The following PCDHGA8 variants were observed in gnomAD, a reference collection of about 807,000 sequenced individuals.
PCDHGA8 encodes protocadherin gamma subfamily A, 8.
A neutral mutation model predicts 59.2 loss-of-function variants in PCDHGA8; 45 were observed. The ratio of observed to expected loss-of-function variants is 0.76; its 90% CI spans 0.60 to 0.98. PCDHGA8 has a LOEUF of 0.98. Among genes scored for constraint, PCDHGA8 ranks in the 50% least tolerant of loss-of-function variants. The pLI, the probability that PCDHGA8 is intolerant of heterozygous loss-of-function variation, is 0.00. For synonymous variants in PCDHGA8, 531 were observed against 519.0 expected, an observed-to-expected ratio of 1.02 and a Z score of -0.32; for missense variants, 1,257 against 1,196.2, an observed-to-expected ratio of 1.05 and a Z score of -0.75.
chr5:141,417,874 C>A (rs768197455), intron 1 of PCDHGA8: 2 of 1,555,202 alleles, frequency 1.3e-6, no homozygotes, highest in African/African-American at 2.7e-5. Context: ...GAGGGAGCTG[C>A]GCGCAGAGGC....
rs1455759096 is a variant in PCDHGA8, at chr5:141,489,539, C to T, written c.2425-5268C>T. 6.2e-7 allele frequency: 1 copy of T among 1,613,980 alleles called. No individual in the cohort carries two copies. Among genetic ancestry groups the T allele is most frequent in the African/African-American group, 1.3e-5 (1 of 74,912 alleles). On this transcript the variant is annotated intron_variant, in intron 1 of 3. Coordinates refer to ENST00000398604, the MANE Select transcript of PCDHGA8 (RefSeq NM_032088.2). This position sits in a 1 kb window ranked among gnomAD's most constrained non-coding sequence, Gnocchi z 4.5. Reference sequence around the variant, plus strand: ...CGAGAAAGCCTATGTGGAGCCAGCACCAGCTGCCTGCTGCCAGTGCAGGTG... The same window carrying T: ...CGAGAAAGCCTATGTGGAGCCAGCATCAGCTGCCTGCTGCCAGTGCAGGTG...
Position 141,432,098 on chromosome 5 carries a change from G to A in PCDHGA8, c.2424+36861G>A. 1.2e-6 allele frequency: 2 copies of A among 1,614,056 alleles called. No homozygotes were observed. Among genetic ancestry groups the A allele is most frequent in the Non-Finnish European group, 1.7e-6 (2 of 1,180,002 alleles). ...CTCGCTGAACGTGGCAGACACCAAC[G>A]ACAACCCGCCGGTCTTCCCTCAGGC... On this transcript the variant is annotated intron_variant, in intron 1 of 3. Transcript: ENST00000398604. The surrounding 1 kb of genome is among the most constrained non-coding windows in gnomAD (Gnocchi z 6.0).
In PCDHGA8 at chr5:141,511,342, C is replaced by G. The variant is rs2099883728; in HGVS notation, c.*169C>G. The stretch of plus-strand genomic sequence containing the variant: ...AACAAGTGCCCAGTCAGCACCTACC[C>G]CTTCCCCCCCAGGGGGTTGAATATG... On this transcript the variant is annotated 3_prime_UTR_variant, in exon 4 of 4. Coordinates refer to ENST00000398604, the MANE Select transcript of PCDHGA8 (RefSeq NM_032088.2). 1 of 1,424,960 alleles carries G rather than the reference C, an allele frequency of 7.0e-7. No homozygotes were observed. Among genetic ancestry groups the G allele is most frequent in the Admixed American group, 2.6e-5 (1 of 38,556 alleles). 88.3% of individuals were successfully genotyped at this position (1,424,960 alleles called of 1,614,324 possible).
intron 1 of PCDHGA8, among the ~76,000 whole-genome samples, chr5:141,475,532 T>C (rs1011968434): frequency 6.6e-6 from 1 of 152,228 alleles, no homozygotes; most frequent in East Asian, 1.9e-4. Context: ...AAATGCCTCC[T>C]TACAAGTAGG....
rs3805699 is a variant in PCDHGA8 at position 141,435,743 on chromosome 5, G to A, written c.2424+40506G>A. Among the ~76,000 whole-genome samples the A allele has an allele frequency of 9.2e-5, 14 of 152,198 alleles. No homozygotes were observed. The East Asian group carries it at 2.1e-3, about 23-fold the overall frequency. ...GCTAAAGTGTATTACTCTTTGAAAA[G>A]CATTGCTTGATTTCTTTTGGTGAAT... is the stretch of plus-strand genomic sequence containing the variant. On this transcript the variant is annotated intron_variant, in intron 1 of 3. Coordinates refer to ENST00000398604, the MANE Select transcript of PCDHGA8 (RefSeq NM_032088.2).
At chr5:141,463,808 T>C (rs1018369312) in intron 1 of PCDHGA8, among the ~76,000 whole-genome samples, 2 of 152,196 alleles carry the variant, frequency 1.3e-5, no homozygotes, top group African/African-American at 4.8e-5. Flanking sequence ...CTAAAAGCTT[T>C]TATCACACAT....
chr5:141,416,169 TAA>T (rs1350204040), intron 1 of PCDHGA8: 1 of 152,706 alleles, frequency 6.5e-6, no homozygotes, highest in African/African-American at 2.4e-5. Flanking sequence ...TTGAATATAC[TAA>T]GTTTTTCATT....
In PCDHGA8 at chr5:141,490,584, T is replaced by C; in HGVS notation, c.2425-4223T>C. The stretch of plus-strand genomic sequence containing the variant: ...TCAGGCTCAACATTTCAGATGTCAA[T>C]GACAATGCACCCCGCTTCAACCAGC... On this transcript the variant is annotated intron_variant, in intron 1 of 3. Coordinates refer to ENST00000398604, the MANE Select transcript of PCDHGA8 (RefSeq NM_032088.2). The surrounding 1 kb of genome is among the most constrained non-coding windows in gnomAD (Gnocchi z 5.4). 6.2e-7 allele frequency: 1 copy of C among 1,614,170 alleles called. No individual in the cohort carries two copies. Among genetic ancestry groups the C allele is most frequent in the South Asian group, 1.1e-5 (1 of 91,080 alleles).
intron 1 of PCDHGA8, among the ~76,000 whole-genome samples, chr5:141,459,160 T>C (rs1330588092): frequency 6.6e-6 from 1 of 152,228 alleles, no homozygotes; most frequent in African/African-American, 2.4e-5. Context: ...AGAACATTTC[T>C]ATAACCTTCA....
At chr5:141,422,721 G>A in intron 1 of PCDHGA8, 1 of 1,605,664 alleles carries the variant, frequency 6.2e-7, no homozygotes, top group East Asian at 2.2e-5. Flanking sequence ...ACACTGTCCA[G>A]GGGGTGCCTC....
chr5:141,430,657 A>G (rs2097300740), intron 1 of PCDHGA8: 1 of 1,093,240 alleles, frequency 9.1e-7, no homozygotes, highest in African/African-American at 1.6e-5. Flanking sequence ...GAAACAACGG[A>G]GGAGCTCTGA....
At chr5:141,482,943 G>T (rs2099574928) in intron 1 of PCDHGA8, among the ~76,000 whole-genome samples, 1 of 152,086 alleles carries the variant, frequency 6.6e-6, no homozygotes, top group Non-Finnish European at 1.5e-5. Context: ...TGTGGTTGTG[G>T]GTGCCTGTAA....
At chr5:141,413,570 A>C in intron 1 of PCDHGA8, 1 of 1,613,930 alleles carries the variant, frequency 6.2e-7, no homozygotes. Context: ...GATATCAATG[A>C]CAATGCTCCA....
rs1362252002 is a variant in PCDHGA8, at chr5:141,486,112, G to C, written c.2425-8695G>C. ...TGGGGCCCCTAGACTTTGAGAGTGA[G>C]AATTACTATGAATTTGATGTGCGGG... On this transcript the variant is annotated intron_variant, in intron 1 of 3. Coordinates refer to ENST00000398604, the MANE Select transcript of PCDHGA8 (RefSeq NM_032088.2). The surrounding 1 kb of genome is among the most constrained non-coding windows in gnomAD (Gnocchi z 5.0). 6 of 1,614,166 alleles carry C rather than the reference G, an allele frequency of 3.7e-6. No individual in the cohort carries two copies. The highest frequency in any genetic ancestry group is 1.7e-6 in the Non-Finnish European group (2 of 1,180,024).
intron 1 of PCDHGA8, chr5:141,418,770 A>G: frequency 6.2e-7 from 1 of 1,613,892 alleles, no homozygotes; most frequent in Non-Finnish European, 8.5e-7. Context: ...ATTCTAACTC[A>G]GCAGCCTTTG....
At chr5:141,408,317 G>A in intron 1 of PCDHGA8, 1 of 1,613,892 alleles carries the variant, frequency 6.2e-7, no homozygotes, top group Non-Finnish European at 8.5e-7. Context: ...CTCGATTCCG[G>A]AGGAGCTGGC....
In PCDHGA8 at chr5:141,489,734, A is replaced by G; in HGVS notation, c.2425-5073A>G. The G allele has an allele frequency of 6.2e-7, 1 of 1,614,164 alleles. No individual in the cohort carries two copies. Among genetic ancestry groups the G allele is most frequent in the Non-Finnish European group, 8.5e-7 (1 of 1,180,028 alleles). On this transcript the variant is annotated intron_variant, in intron 1 of 3. Transcript: ENST00000398604. This position sits in a 1 kb window ranked among gnomAD's most constrained non-coding sequence, Gnocchi z 4.5. ...GCCCAGGATCCGGATGTGGGCACCAATACTGTGAGCTTTTACACTCTAAGC... is the reference window on the plus strand; with the variant it reads ...GCCCAGGATCCGGATGTGGGCACCAGTACTGTGAGCTTTTACACTCTAAGC...
chr5:141,504,848 C>G (rs181277525), intron 2 of PCDHGA8, among the ~76,000 whole-genome samples: 1 of 152,236 alleles, frequency 6.6e-6, no homozygotes, highest in Non-Finnish European at 1.5e-5. Context: ...CTGGAACATT[C>G]TCTTCCATTT....
At position 141,487,946 on chromosome 5, in the gene PCDHGA8, C is replaced by G. The variant is rs187890859; in HGVS notation, c.2425-6861C>G. 7.9e-5 allele frequency among the ~76,000 whole-genome samples: 12 copies of G among 152,298 alleles called. No homozygotes were observed. The highest frequency in any genetic ancestry group is 7.8e-4 in the Admixed American group (12 of 15,304). Reference sequence around the variant, plus strand: ...AGTGCACAGGGTACAGTGCACCAGGCAGTCACTTGGACAAAGGTGGCTGTT... The same window carrying G: ...AGTGCACAGGGTACAGTGCACCAGGGAGTCACTTGGACAAAGGTGGCTGTT... On this transcript the variant is annotated intron_variant, in intron 1 of 3. Transcript: ENST00000398604. The surrounding 1 kb of genome is among the most constrained non-coding windows in gnomAD (Gnocchi z 5.0).
Sources: allele counts gnomAD v4.1 joint callset (sites outside exome capture counted in the v4.1 genomes callset), GRCh38; gene constraint gnomAD v4.1.1; non-coding constraint Gnocchi (gnomAD v3.1); transcripts MANE v1.5; gene names NCBI Gene and HGNC (gene_info 2026-07-23, HGNC 2026-07-21).